Variants in GALNT17 observed in about 807,000 individuals in gnomAD.
GALNT17 encodes the protein UDP-GalNAc:polypeptide N-acetylgalactosaminyltransferase-like 3.
Under a neutral mutation model 63.7 loss-of-function variants are expected in GALNT17, and 29 were observed. The ratio of observed to expected loss-of-function variants is 0.46; its 90% CI spans 0.34 to 0.62. GALNT17 has a LOEUF of 0.62. GALNT17 is among the 20% of genes least tolerant of loss of function. The probability of loss-of-function intolerance (pLI) is 0.01; values close to 1 mark genes in which losing one functional copy is unlikely to be tolerated. For synonymous variants in GALNT17, 305 were observed against 318.3 expected, an observed-to-expected ratio of 0.96 and a Z score of 0.45; for missense variants, 603 against 799.6, an observed-to-expected ratio of 0.75 and a Z score of 2.97.
intron 1 of GALNT17, among the ~76,000 whole-genome samples, chr7:71,213,493 G>A (rs1454858838): frequency 2.0e-5 from 3 of 152,112 alleles, no homozygotes; most frequent in Non-Finnish European, 4.4e-5. Flanking sequence ...GCAATTTTCG[G>A]TGTGCCTTTG....
chr7:71,373,470 C>T (rs1165712769), intron 2 of GALNT17, among the ~76,000 whole-genome samples: 1 of 152,062 alleles, frequency 6.6e-6, no homozygotes, highest in Non-Finnish European at 1.5e-5. Flanking sequence ...GTCCCCAGAC[C>T]TTGGGCAGTG....
intron 3 of GALNT17, among the ~76,000 whole-genome samples, chr7:71,399,175 A>G (rs1793193229): frequency 6.6e-6 from 1 of 152,214 alleles, no homozygotes; most frequent in South Asian, 2.1e-4. Context: ...TGGAGGTTGC[A>G]GTGAGCTGAG....
chr7:71,698,123 C>CAAAAAAAAAAAAAAAAAAAAAAAAAAAA, intron 9 of GALNT17, among the ~76,000 whole-genome samples: 1 of 107,762 alleles, frequency 9.3e-6, no homozygotes, highest in Non-Finnish European at 1.9e-5. Context: ...GACTCTGTCT[C>CAAAAAAAAAAAAAAAAAAAAAAAAAAAA]AAAAAAAAAA....
chr7:71,644,553 A>G (rs1790648820), intron 6 of GALNT17, among the ~76,000 whole-genome samples: 1 of 137,858 alleles, frequency 7.3e-6, no homozygotes, highest in Non-Finnish European at 1.5e-5. Flanking sequence ...AAAAAAACAA[A>G]AGAAAAAAAA....
intron 5 of GALNT17, among the ~76,000 whole-genome samples, chr7:71,492,774 G>A (rs1014495793): frequency 1.3e-5 from 2 of 152,196 alleles, no homozygotes; most frequent in South Asian, 2.1e-4. Context: ...ACGTATCGCT[G>A]TTCTCCATCA....
intron 3 of GALNT17, among the ~76,000 whole-genome samples, chr7:71,406,101 T>C (rs542059030): frequency 1.6e-4 from 24 of 152,342 alleles, no homozygotes; most frequent in African/African-American, 5.5e-4. Flanking sequence ...GAGATCTAAT[T>C]TGGCTGACTA....
chr7:71,614,919 A>G (rs1790179127), intron 6 of GALNT17, among the ~76,000 whole-genome samples: 1 of 151,260 alleles, frequency 6.6e-6, no homozygotes, highest in Admixed American at 6.6e-5. Context: ...AAGGGAGGGA[A>G]ATAAGCAAAA....
intron 3 of GALNT17, among the ~76,000 whole-genome samples, chr7:71,409,974 T>TG (rs2116415933): frequency 6.6e-6 from 1 of 152,282 alleles, no homozygotes; most frequent in Admixed American, 6.5e-5. Context: ...CAGCTTCTTG[T>TG]GGGGTCCTTC....
At chr7:71,157,259 T>TC (rs1415891358) in intron 1 of GALNT17, among the ~76,000 whole-genome samples, 1 of 151,972 alleles carries the variant, frequency 6.6e-6, no homozygotes, top group Non-Finnish European at 1.5e-5. Context: ...GTAAAAATGT[T>TC]GAGTTGTCAT....
At chr7:71,347,059 A>C (rs1383778955) in intron 2 of GALNT17, among the ~76,000 whole-genome samples, 2 of 152,156 alleles carry the variant, frequency 1.3e-5, no homozygotes, top group Non-Finnish European at 2.9e-5. Flanking sequence ...TTCACGCAGC[A>C]ATGGGATGGA....
intron 6 of GALNT17, among the ~76,000 whole-genome samples, chr7:71,627,216 T>C (rs1406954782): frequency 6.6e-6 from 1 of 152,224 alleles, no homozygotes; most frequent in African/African-American, 2.4e-5. Context: ...TTTACAATGC[T>C]GTGTTCATTA....
intron 5 of GALNT17, among the ~76,000 whole-genome samples, chr7:71,481,422 C>T: frequency 6.6e-6 from 1 of 152,146 alleles, no homozygotes; most frequent in South Asian, 2.1e-4. Flanking sequence ...TGCACTCCAG[C>T]CTGGGCGACA....
chr7:71,550,291 C>T (rs1214129282), intron 5 of GALNT17, among the ~76,000 whole-genome samples: 1 of 152,084 alleles, frequency 6.6e-6, no homozygotes, highest in Non-Finnish European at 1.5e-5. Context: ...TTGGGTCATA[C>T]ATAGCTATGA....
At chr7:71,548,462 A>G (rs1006008739) in intron 5 of GALNT17, among the ~76,000 whole-genome samples, 1 of 152,172 alleles carries the variant, frequency 6.6e-6, no homozygotes, top group Non-Finnish European at 1.5e-5. Context: ...GGCTGGCCTT[A>G]GAGTTCAACA....
At chr7:71,338,263 G>T (rs969176619) in intron 2 of GALNT17, among the ~76,000 whole-genome samples, 19 of 151,876 alleles carry the variant, frequency 1.3e-4, no homozygotes, top group Non-Finnish European at 1.6e-4. Context: ...GGAGGCGGAG[G>T]TTACAGTGAG....
At chr7:71,161,871 G>A (rs994116755) in intron 1 of GALNT17, among the ~76,000 whole-genome samples, 2 of 152,032 alleles carry the variant, frequency 1.3e-5, no homozygotes, top group East Asian at 1.9e-4. Flanking sequence ...TATCTGTACC[G>A]AATCATTGCC....
At chr7:71,240,261 T>G (rs1789969370) in intron 1 of GALNT17, among the ~76,000 whole-genome samples, 1 of 152,184 alleles carries the variant, frequency 6.6e-6, no homozygotes, top group Non-Finnish European at 1.5e-5. Context: ...TCAAATGTAT[T>G]TTTTCGTTGT....
chr7:71,320,840 T>G (rs1791592699), intron 1 of GALNT17, among the ~76,000 whole-genome samples: 1 of 152,198 alleles, frequency 6.6e-6, no homozygotes, highest in Non-Finnish European at 1.5e-5. Context: ...GATTTCATAA[T>G]TTACCTTCTA....
At chr7:71,531,000 G>A (rs1788711581) in intron 5 of GALNT17, among the ~76,000 whole-genome samples, 1 of 152,206 alleles carries the variant, frequency 6.6e-6, no homozygotes, top group Admixed American at 6.5e-5. Flanking sequence ...GTAGATACAT[G>A]TGGCTGCATG....
Sources: allele counts gnomAD v4.1 joint callset (sites outside exome capture counted in the v4.1 genomes callset), GRCh38; gene constraint gnomAD v4.1.1; transcripts MANE v1.5; gene names NCBI Gene and HGNC (gene_info 2026-07-23, HGNC 2026-07-21).